Variants in PTPN4 observed in about 807,000 individuals in gnomAD.
The protein encoded by PTPN4 is protein tyrosine phosphatase non-receptor type 4.
In PTPN4, 49 loss-of-function variants were observed where a neutral mutation model predicts 135.5. The observed-to-expected ratio is 0.36, with a 90% CI of 0.29 to 0.46. PTPN4 has a LOEUF of 0.46. Among genes scored for constraint, PTPN4 ranks in the 20% least tolerant of loss-of-function variants. PTPN4 has a pLI of 1.00. For missense variants in PTPN4, 860 were observed against 1,101.0 expected (o/e 0.78, Z 3.10); for synonymous variants, 333 against 369.9 (o/e 0.90, Z 1.14).
At chr2:119,917,414 C>T (rs1334072748) in intron 11 of PTPN4, among the ~76,000 whole-genome samples, 2 of 152,110 alleles carry the variant, frequency 1.3e-5, no homozygotes, top group Non-Finnish European at 2.9e-5. Flanking sequence ...CACATTACAA[C>T]CTGTCTGATA....
chr2:119,953,066 A>G (rs956823293), intron 19 of PTPN4, among the ~76,000 whole-genome samples: 4 of 152,186 alleles, frequency 2.6e-5, no homozygotes, highest in African/African-American at 4.8e-5. Flanking sequence ...TAAGAGTCCT[A>G]GAGTCTTCAG....
rs1475523059 is a variant in PTPN4, at chr2:119,877,453, A to G, written c.290-11A>G. 2.5e-6 allele frequency: 4 copies of G among 1,606,416 alleles called. No individual in the cohort carries two copies. In the Admixed American group the frequency reaches 5.1e-5, roughly 21 times the overall value. Reference sequence around the variant, plus strand: ...AGTCTGATTAATTAGAACTACTTTTATTAATTCTAGGAGGATCTCCTTACA... The same window carrying G: ...AGTCTGATTAATTAGAACTACTTTTGTTAATTCTAGGAGGATCTCCTTACA... On this transcript the variant is annotated splice_polypyrimidine_tract_variant and intron_variant, in intron 4 of 26. Coordinates refer to ENST00000263708, the MANE Select transcript of PTPN4 (RefSeq NM_002830.4).
At chr2:119,938,309 A>T (rs1356119131) in intron 15 of PTPN4, among the ~76,000 whole-genome samples, 1 of 151,674 alleles carries the variant, frequency 6.6e-6, no homozygotes, top group African/African-American at 2.4e-5. Context: ...TTGTGTTTTT[A>T]GTAGAGACCA....
rs111939071 is a variant in PTPN4, at chr2:119,872,913, T to C, written c.247-4410T>C. On this transcript the variant is annotated intron_variant, in intron 3 of 26. Transcript: ENST00000263708. ...ACAGATGAAGAAATAAATATATGGC[T>C]GTAATTTGTCCAAATTATATTTTCT... Among the ~76,000 whole-genome samples, 554 of 152,336 alleles carry C rather than the reference T, an allele frequency of 3.6e-3. 3 individuals are homozygous for C. Among genetic ancestry groups the C allele is most frequent in the African/African-American group, 0.013 (532 of 41,584 alleles).
intron 15 of PTPN4, among the ~76,000 whole-genome samples, chr2:119,935,617 A>G (rs1678971266): frequency 6.6e-6 from 1 of 152,204 alleles, no homozygotes; most frequent in Admixed American, 6.5e-5. Context: ...ATATTATTAA[A>G]AATGGAGAAA....
chr2:119,799,814 A>G (rs1691329663), intron 1 of PTPN4, among the ~76,000 whole-genome samples: 1 of 152,192 alleles, frequency 6.6e-6, no homozygotes, highest in Non-Finnish European at 1.5e-5. Context: ...TCTTCACTTC[A>G]TAAAATCAGG....
intron 1 of PTPN4, among the ~76,000 whole-genome samples, chr2:119,786,229 C>G (rs1364438324): frequency 1.3e-5 from 2 of 152,244 alleles, no homozygotes; most frequent in East Asian, 1.9e-4. Context: ...GATACTTCAC[C>G]TTCTGCTTAA....
At chr2:119,829,211 T>G (rs1280203273) in intron 2 of PTPN4, among the ~76,000 whole-genome samples, 1 of 152,218 alleles carries the variant, frequency 6.6e-6, no homozygotes, top group Non-Finnish European at 1.5e-5. Context: ...CTTTGTGTGT[T>G]TTTTTTGAAC....
In PTPN4 at chr2:119,932,495, A is replaced by G. The variant is rs143014480; in HGVS notation, c.1142A>G (p.Asp381Gly). 1.9e-4 allele frequency: 306 copies of G among 1,612,122 alleles called. 2 individuals are homozygous for G. In the Middle Eastern group the frequency reaches 4.0e-3, roughly 21 times the overall value. Residue 381 changes from aspartate to glycine, a missense_variant, in exon 14 of 27, where the codon GAC becomes GGC. By Grantham distance (94) the Asp-to-Gly change is moderately conservative. Around this residue, in one of 2 missense-constraint regions of PTPN4, gnomAD observed 684 missense variants for 807.0 expected, o/e 0.85. Transcript: ENST00000263708. ...GTAAGCAGAAATTCAATATCTGATG[A>G]CAGGTTAGAAACACAAAGTCTTCCA... Reference protein sequence around the residue: ...EVVSRNSISDDRLETQSLPSR... With the variant: ...EVVSRNSISDGRLETQSLPSR...
intron 1 of PTPN4, among the ~76,000 whole-genome samples, chr2:119,763,692 T>C (rs962978430): frequency 6.6e-6 from 1 of 152,220 alleles, no homozygotes; most frequent in Non-Finnish European, 1.5e-5. Context: ...ATCATAGAAA[T>C]ATTTTTTGCA....
In PTPN4 at chr2:119,982,539, T is replaced by C. The variant is rs183686576; in HGVS notation, c.*5469T>C. 6.6e-6 allele frequency: 1 copy of C among 152,324 alleles called. No individual in the cohort carries two copies. Among genetic ancestry groups the C allele is most frequent in the East Asian group, 1.9e-4 (1 of 5,190 alleles). 9.4% of individuals were successfully genotyped at this position (152,324 alleles called of 1,614,324 possible). A position where few individuals can be genotyped will look rare whatever the true frequency, so the allele number is the denominator to read the frequency against. Reference sequence around the variant, plus strand: ...CAGATATAATGTACATTCTTTTTCATTTTGCTTTGCCTCTAGAATAGAAAC... The same window carrying C: ...CAGATATAATGTACATTCTTTTTCACTTTGCTTTGCCTCTAGAATAGAAAC... On this transcript the variant is annotated 3_prime_UTR_variant, in exon 27 of 27. Coordinates refer to ENST00000263708, the MANE Select transcript of PTPN4 (RefSeq NM_002830.4).
chr2:119,899,099 A>G (rs1301081757), intron 9 of PTPN4, among the ~76,000 whole-genome samples: 2 of 152,186 alleles, frequency 1.3e-5, no homozygotes, highest in South Asian at 2.1e-4. Context: ...AGCCAGCTAC[A>G]ATGTGCCTAT....
intron 1 of PTPN4, among the ~76,000 whole-genome samples, chr2:119,777,047 A>T (rs1335254724): frequency 6.6e-6 from 1 of 152,226 alleles, no homozygotes; most frequent in African/African-American, 2.4e-5. Context: ...TAAAGTTTTT[A>T]CTGTGGCCAA....
At chr2:119,932,248 G>C (rs561006543) in intron 13 of PTPN4, 176 bp from the exon 14 acceptor site, 110 of 506,086 alleles carry the variant, frequency 2.2e-4, no homozygotes, top group East Asian at 1.4e-3. Flanking sequence ...TAAAGCCAAT[G>C]TACATTCTTA....
chr2:119,762,541 A>AATT (rs1423035856), intron 1 of PTPN4, among the ~76,000 whole-genome samples: 3 of 152,236 alleles, frequency 2.0e-5, no homozygotes, highest in Admixed American at 6.5e-5. Flanking sequence ...TTAAGGAGCA[A>AATT]AGTAAGAGAC....
chr2:119,925,994 C>T (rs1284350408), intron 12 of PTPN4, among the ~76,000 whole-genome samples: 1 of 152,142 alleles, frequency 6.6e-6, no homozygotes, highest in Non-Finnish European at 1.5e-5. Flanking sequence ...AAGTGCCATT[C>T]AGTTCATATT....
chr2:119,920,376 C>T (rs1481116999), intron 12 of PTPN4, 135 bp downstream of exon 12: 20 of 938,542 alleles, frequency 2.1e-5, no homozygotes, highest in Non-Finnish European at 3.0e-5. Context: ...TGGATTGCAG[C>T]CTCTATATCA....
chr2:119,853,529 G>A lies in PTPN4; in HGVS notation c.139-9007G>A, dbSNP rs77149361. 3.3e-3 allele frequency among the ~76,000 whole-genome samples: 502 copies of A among 151,896 alleles called. 2 individuals are homozygous for A. The highest frequency in any genetic ancestry group is 0.011 in the African/African-American group (466 of 41,428). ...GCTATATCATTAACAACATTTTACC[G>A]CTTTGAGTACATATAAAAACCTTAT... On this transcript the variant is annotated intron_variant, in intron 2 of 26. Coordinates refer to ENST00000263708, the MANE Select transcript of PTPN4 (RefSeq NM_002830.4).
At chr2:119,878,832 G>A (rs970500695) in intron 5 of PTPN4, among the ~76,000 whole-genome samples, 2 of 151,650 alleles carry the variant, frequency 1.3e-5, no homozygotes, top group Admixed American at 6.6e-5. Flanking sequence ...AGTGGCTCAC[G>A]CCTGTAATCC....
Sources: gnomAD v4.1 joint callset for allele counts (sites outside exome capture counted in the v4.1 genomes callset) on GRCh38, gnomAD v4.1.1 for gene constraint, gnomAD v4.1.1 regional missense constraint, MANE v1.5 for transcripts, NCBI Gene and HGNC (gene_info 2026-07-23, HGNC 2026-07-21) for gene names.